CENPF: variants seen among roughly 807,000 people sequenced by gnomAD.
CENPF encodes AH antigen.
Under a neutral mutation model 307.3 loss-of-function variants are expected in CENPF, and 214 were observed. That is an observed-to-expected ratio of 0.70 (90% CI 0.62 to 0.78). CENPF has a LOEUF of 0.78. Ranked by LOEUF, CENPF falls within the 30% of genes least tolerant of loss-of-function variation. The pLI, the probability that CENPF is intolerant of heterozygous loss-of-function variation, is 0.00. For missense variants in CENPF, 3,401 were observed against 3,483.9 expected (o/e 0.98, Z 0.60); for synonymous variants, 1,259 against 1,270.6 (o/e 0.99, Z 0.19).
intron 1 of CENPF, chr1:214,608,400 G>A: frequency 1.2e-6 from 2 of 1,613,548 alleles, no homozygotes; most frequent in Non-Finnish European, 1.7e-6. Flanking sequence ...CGTAGCCGGA[G>A]TAGTCGTAGG....
chr1:214,658,831 T>C lies in CENPF; in HGVS notation c.8963-19T>C, dbSNP rs531566270. ...GAATTGGACCTAGCAGTGCTGACAG[T>C]TATTTTTTTTGCCCTTAGGGTTTGC... On this transcript the variant is annotated intron_variant, in intron 18 of 19. Coordinates refer to ENST00000366955, the MANE Select transcript of CENPF (RefSeq NM_016343.4). 2.5e-6 allele frequency: 4 copies of C among 1,612,900 alleles called. No homozygotes were observed. Among genetic ancestry groups the C allele is most frequent in the African/African-American group, 1.3e-5 (1 of 75,008 alleles).
rs542914197 is a variant in CENPF, at chr1:214,625,207, C to T, written c.1068+2926C>T. On this transcript the variant is annotated intron_variant, in intron 7 of 19. Coordinates refer to ENST00000366955, the MANE Select transcript of CENPF (RefSeq NM_016343.4). ...TAATTGGGCCATGTTTTTCAATATACTCTTTCACTATCTGTCTTTTTTTTT... is the reference window on the plus strand; with the variant it reads ...TAATTGGGCCATGTTTTTCAATATATTCTTTCACTATCTGTCTTTTTTTTT... Among the ~76,000 whole-genome samples, 26 of 152,078 alleles carry T rather than the reference C, an allele frequency of 1.7e-4. 1 individual carries two copies. The South Asian group carries it at 5.4e-3, about 32-fold the overall frequency.
intron 3 of CENPF, among the ~76,000 whole-genome samples, chr1:214,616,078 G>A (rs866408498): frequency 6.6e-6 from 1 of 152,054 alleles, no homozygotes; most frequent in African/African-American, 2.4e-5. Context: ...AGGTTGAACC[G>A]TTTGGAATGT....
intron 10 of CENPF, 64 bp from the exon 11 acceptor site, chr1:214,637,802 G>A: frequency 6.5e-7 from 1 of 1,534,650 alleles, no homozygotes; most frequent in Non-Finnish European, 8.8e-7. Flanking sequence ...CCTTTATTAA[G>A]GCAGAAGTCA....
rs763045775 is a variant in CENPF, at chr1:214,620,734, C to T, written c.653C>T (p.Ser218Leu). The change falls in exon 6 of 20, where the codon TCA becomes TTA. Residue 218 changes from serine to leucine, a missense_variant. Transcript: ENST00000366955. ...ARHQASSSVFSWQQEKTPSHL... is the reference protein window; with the variant it reads ...ARHQASSSVFLWQQEKTPSHL... ...CATCAGGCTTCATCATCTGTGTTCT[C>T]ATGGCAGCAAGAGAAGACCCCAAGT... 4 of 1,614,196 alleles carry T rather than the reference C, an allele frequency of 2.5e-6. No individual in the cohort carries two copies. The Admixed American group carries it at 5.0e-5, about 20-fold the overall frequency.
intron 18 of CENPF, among the ~76,000 whole-genome samples, chr1:214,657,982 C>T (rs1658686396): frequency 6.6e-6 from 1 of 152,148 alleles, no homozygotes; most frequent in Admixed American, 6.5e-5. Flanking sequence ...AAGCACATAT[C>T]ATGTTTTCTA....
chr1:214,603,218 G>C lies in CENPF; in HGVS notation c.-145G>C, dbSNP rs929504509. The stretch of plus-strand genomic sequence containing the variant: ...CCAGAAGCGGGCGAATTGGGCACCG[G>C]TGGCGGCTGCGGGCAGTTTGAATTA... On this transcript the variant is annotated 5_prime_UTR_variant, in exon 1 of 20. Transcript: ENST00000366955. 1 of 152,644 alleles carries C rather than the reference G, an allele frequency of 6.6e-6. No homozygotes were observed. Among genetic ancestry groups the C allele is most frequent in the African/African-American group, 2.4e-5 (1 of 41,480 alleles). 9.5% of individuals were successfully genotyped at this position (152,644 alleles called of 1,614,324 possible).
Position 214,644,763 on chromosome 1 carries a change from T to A in CENPF, c.5193T>A (p.Tyr1731Ter), listed in dbSNP as rs1302517808. ...CSGEQSPDTN[Y>*]EPPGEDKTQG... ...GGGAACAGTCCCCAGATACCAATTA[T>A]GAGCCTCCAGGGGAAGATAAAACCC... Residue 1731 changes from tyrosine (Y) to a stop codon, truncating the protein, a stop_gained, in exon 13 of 20, where the codon TAT (tyrosine) becomes TAA (stop). Coordinates refer to ENST00000366955, the MANE Select transcript of CENPF (RefSeq NM_016343.4). LOFTEE classifies it high-confidence loss of function. 1 of 1,613,876 alleles carries A rather than the reference T, an allele frequency of 6.2e-7. No individual in the cohort carries two copies.
At chr1:214,629,857 C>T (rs1048788249) in intron 8 of CENPF, among the ~76,000 whole-genome samples, 43 of 152,116 alleles carry the variant, frequency 2.8e-4, no homozygotes, top group African/African-American at 9.9e-4. Context: ...TGGCCAACTC[C>T]AGTTGTTTTT....
chr1:214,650,034 T>C (rs1229531651), intron 14 of CENPF, among the ~76,000 whole-genome samples: 2 of 152,148 alleles, frequency 1.3e-5, no homozygotes, highest in East Asian at 1.9e-4. Context: ...AGCGGATAAA[T>C]ACTATAAAGG....
chr1:214,640,186 A>C lies in CENPF; in HGVS notation c.1848A>C (p.Lys616Asn), dbSNP rs777231380. The C allele has an allele frequency of 1.9e-6, 3 of 1,594,868 alleles. No homozygotes were observed. The highest frequency in any genetic ancestry group is 2.6e-6 in the Non-Finnish European group (3 of 1,175,418). ...KKEYEELKEE[K>N]TLFSCWKSEN... Reference sequence around the variant, plus strand: ...AATATGAAGAATTGAAAGAAGAGAAAACTCTGTTTTCTTGTTGGAAAAGTG... The same window carrying C: ...AATATGAAGAATTGAAAGAAGAGAACACTCTGTTTTCTTGTTGGAAAAGTG... Residue 616 changes from lysine to asparagine, a missense_variant, in exon 12 of 20, where the codon AAA becomes AAC. Physicochemically the swap from Lys to Asn is moderately conservative, Grantham distance 94. Transcript: ENST00000366955.
At chr1:214,643,975 G>T (rs539650510) in intron 12 of CENPF, among the ~76,000 whole-genome samples, 2 of 152,310 alleles carry the variant, frequency 1.3e-5, no homozygotes, top group Non-Finnish European at 2.9e-5. Flanking sequence ...GTCTATCTCT[G>T]TGAGGTAGAG....
At position 214,619,232 on chromosome 1, in the gene CENPF, A is replaced by G. The variant is rs373504409; in HGVS notation, c.573+12A>G. Reference sequence around the variant, plus strand: ...CCTTGCAGGCTAAAGTAAGTTAATTATGGGCCCTATAATAGAGTATGCAGT... The same window carrying G: ...CCTTGCAGGCTAAAGTAAGTTAATTGTGGGCCCTATAATAGAGTATGCAGT... On this transcript the variant is annotated intron_variant, in intron 5 of 19. Transcript: ENST00000366955. The G allele has an allele frequency of 8.4e-5, 109 of 1,296,724 alleles. No individual in the cohort carries two copies. Among genetic ancestry groups the G allele is most frequent in the Non-Finnish European group, 8.6e-5 (78 of 902,154 alleles). The allele number at this position is 1,296,724 out of a possible 1,614,324, so 80.3% of individuals were successfully genotyped here.
chr1:214,605,552 C>G, intron 1 of CENPF: 2 of 683,512 alleles, frequency 2.9e-6, no homozygotes, highest in Non-Finnish European at 4.9e-6. Flanking sequence ...TCGTCCACAG[C>G]CCCTGGGTTG....
intron 7 of CENPF, among the ~76,000 whole-genome samples, chr1:214,623,544 T>TTTGTTG (rs149516983): frequency 6.6e-5 from 10 of 152,048 alleles, no homozygotes; most frequent in South Asian, 4.2e-4. Flanking sequence ...AGCCTGTTAT[T>TTTGTTG]TTGTTGTTGT....
intron 7 of CENPF, among the ~76,000 whole-genome samples, chr1:214,625,568 T>A (rs1243801806): frequency 6.6e-6 from 1 of 152,222 alleles, no homozygotes; most frequent in Non-Finnish European, 1.5e-5. Flanking sequence ...TTATACTTAA[T>A]GTGATTATTG....
At chr1:214,605,984 A>T in intron 1 of CENPF, 1 of 1,597,140 alleles carries the variant, frequency 6.3e-7, no homozygotes. Context: ...ATGCAGCACC[A>T]CCGCGGCACA....
In CENPF at chr1:214,611,846, G is replaced by C. The variant is rs1463359462; in HGVS notation, c.-41-1868G>C. Among the ~76,000 whole-genome samples, 3 of 152,182 alleles carry C rather than the reference G, an allele frequency of 2.0e-5. No homozygotes were observed. The East Asian group carries it at 5.8e-4, about 29-fold the overall frequency. ...ATTGATTTTCGTATCCTGAGAGTTG[G>C]CTGAAGTTGTTTATCAACTGAAGGA... On this transcript the variant is annotated intron_variant, in intron 1 of 19. Coordinates refer to ENST00000366955, the MANE Select transcript of CENPF (RefSeq NM_016343.4).
intron 15 of CENPF, among the ~76,000 whole-genome samples, chr1:214,652,249 A>C (rs138811221): frequency 6.6e-6 from 1 of 150,770 alleles, no homozygotes; most frequent in Non-Finnish European, 1.5e-5. Flanking sequence ...GTTAGCCAGG[A>C]TGGTCTCGAT....
Sources: gnomAD v4.1 joint callset for allele counts (sites outside exome capture counted in the v4.1 genomes callset) on GRCh38, gnomAD v4.1.1 for gene constraint, MANE v1.5 for transcripts, NCBI Gene and HGNC (gene_info 2026-07-23, HGNC 2026-07-21) for gene names.